Variants in SLC36A4 observed in about 807,000 individuals in gnomAD.
The protein encoded by SLC36A4 is solute carrier family 36 member 4.
In SLC36A4, 49 loss-of-function variants were observed where a neutral mutation model predicts 50.5. The ratio of observed to expected loss-of-function variants is 0.97; its 90% CI spans 0.77 to 1.23. The LOEUF is 1.23. SLC36A4 is among the 50% of genes most tolerant of loss of function. The pLI is 0.00. For synonymous variants in SLC36A4, 207 were observed against 206.5 expected (o/e 1.00, Z -0.02); for missense variants, 611 against 608.4 (o/e 1.00, Z -0.05).
chr11:93,177,793 G>A (rs894076068), intron 6 of SLC36A4, among the ~76,000 whole-genome samples: 51 of 152,290 alleles, frequency 3.3e-4, no homozygotes, highest in African/African-American at 9.9e-4. Flanking sequence ...ACTGGGAGGC[G>A]TCTCCCAGTT....
intron 7 of SLC36A4, chr11:93,166,315 C>A: frequency 1.9e-6 from 2 of 1,080,952 alleles, no homozygotes; most frequent in Middle Eastern, 4.3e-4. Flanking sequence ...TGGCTCCTGC[C>A]ACAACAGGAA....
At chr11:93,196,128 C>T (rs568280154) in intron 1 of SLC36A4, among the ~76,000 whole-genome samples, 118 of 152,218 alleles carry the variant, frequency 7.8e-4, no homozygotes, top group African/African-American at 2.8e-3. Context: ...CTTAAAAAAA[C>T]TGAAATAATT....
At chr11:93,178,201 C>T (rs11020189) in intron 6 of SLC36A4, among the ~76,000 whole-genome samples, 33,085 of 152,048 alleles carry the variant, frequency 0.22, 4,048 homozygotes, top group East Asian at 0.42. Flanking sequence ...TCTGAGCCAG[C>T]GCAGGATATA....
At position 93,148,795 on chromosome 11, in the gene SLC36A4, A is replaced by G. The variant is rs571218674; in HGVS notation, c.1257T>C (p.Val419=). Residue 419 remains valine, a synonymous_variant, in exon 11 of 11, where the codon GTT becomes GTC. Transcript: ENST00000326402. ...CCAATGTGCTGCTGCTCACAGCTCC[A>G]ACGAAGGAAATCACAATGTCTAAAC... ...IPRLDIVISF[V]GAVSSSTLAL... is the part of the protein sequence containing the mutation. 6.2e-7 allele frequency: 1 copy of G among 1,612,900 alleles called. No homozygotes were observed. Among genetic ancestry groups the G allele is most frequent in the South Asian group, 1.1e-5 (1 of 91,022 alleles).
chr11:93,189,024 A>T (rs531223005), intron 1 of SLC36A4, among the ~76,000 whole-genome samples: 1 of 150,234 alleles, frequency 6.7e-6, no homozygotes, highest in South Asian at 2.1e-4. Flanking sequence ...GACACCAGTC[A>T]TATTGGATTA....
chr11:93,151,488 T>C (rs1860084609), intron 10 of SLC36A4, among the ~76,000 whole-genome samples: 1 of 151,984 alleles, frequency 6.6e-6, no homozygotes, highest in South Asian at 2.1e-4. Context: ...AAAACAAAAA[T>C]GTGGAAAATA....
chr11:93,196,541 T>C (rs949659270), intron 1 of SLC36A4, among the ~76,000 whole-genome samples: 7 of 152,168 alleles, frequency 4.6e-5, no homozygotes, highest in African/African-American at 1.7e-4. Context: ...TAATTTTTTG[T>C]GTTTTTAGTA....
chr11:93,148,435 G>A lies in SLC36A4; in HGVS notation c.*102C>T, dbSNP rs1859927652. 5 of 1,017,060 alleles carry A rather than the reference G, an allele frequency of 4.9e-6. No homozygotes were observed. In the Admixed American group the frequency reaches 9.5e-5, roughly 19 times the overall value. The allele number at this position is 1,017,060 out of a possible 1,614,324, so 63.0% of individuals were successfully genotyped here. On this transcript the variant is annotated 3_prime_UTR_variant, in exon 11 of 11. Coordinates refer to ENST00000326402, the MANE Select transcript of SLC36A4 (RefSeq NM_152313.4). ...TATTAATATCGTGCCAAAGAAAACA[G>A]AGTTTGTTACCATTTTTATGTATAT...
Position 93,154,121 on chromosome 11 carries a change from C to G in SLC36A4, c.1194G>C (p.Leu398Phe). The change falls in exon 10 of 11, where the codon TTG becomes TTC. Residue 398 changes from leucine (L) to phenylalanine (F), a missense_variant. Coordinates refer to ENST00000326402, the MANE Select transcript of SLC36A4 (RefSeq NM_152313.4). ...QICEFGIRSFLVSITCAGAIL... is the reference protein window; with the variant it reads ...QICEFGIRSFFVSITCAGAIL... ...AATGATACTTACAAGTAATACTAAC[C>G]AAGAAGGATCTTATCCCAAATTCAC... The G allele has an allele frequency of 6.6e-7, 1 of 1,513,080 alleles. No homozygotes were observed. Among genetic ancestry groups the G allele is most frequent in the Non-Finnish European group, 8.9e-7 (1 of 1,127,942 alleles). 93.7% of individuals were successfully genotyped at this position (1,513,080 alleles called of 1,614,324 possible).
chr11:93,184,281 C>G, intron 3 of SLC36A4, 149 bp downstream of exon 3: 1 of 650,496 alleles, frequency 1.5e-6, no homozygotes, highest in Non-Finnish European at 2.7e-6. Flanking sequence ...ATATCATTAT[C>G]ACAGTTGACA....
chr11:93,190,431 T>C (rs1473696366), intron 1 of SLC36A4, among the ~76,000 whole-genome samples: 1 of 152,196 alleles, frequency 6.6e-6, no homozygotes, highest in Admixed American at 6.5e-5. Context: ...ATATCCCAAT[T>C]ATCCTGATTT....
chr11:93,156,912 C>T (rs1860391489), intron 9 of SLC36A4, among the ~76,000 whole-genome samples: 1 of 152,160 alleles, frequency 6.6e-6, no homozygotes, highest in African/African-American at 2.4e-5. Context: ...GAGTCTTCAT[C>T]ATAAAATCTT....
intron 9 of SLC36A4, among the ~76,000 whole-genome samples, chr11:93,159,560 T>C (rs1407327640): frequency 6.6e-6 from 1 of 152,188 alleles, no homozygotes; most frequent in Non-Finnish European, 1.5e-5. Context: ...TCATCTTAAT[T>C]GAGAACTATC....
chr11:93,165,979 C>T lies in SLC36A4; in HGVS notation c.806G>A (p.Gly269Asp). 1.2e-6 allele frequency: 2 copies of T among 1,611,238 alleles called. No individual in the cohort carries two copies. Among genetic ancestry groups the T allele is most frequent in the Non-Finnish European group, 1.7e-6 (2 of 1,178,464 alleles). Residue 269 changes from glycine to aspartate, a missense_variant, in exon 8 of 11, where the codon GGT (glycine) becomes GAT (aspartate). Coordinates refer to ENST00000326402, the MANE Select transcript of SLC36A4 (RefSeq NM_152313.4). The stretch of plus-strand genomic sequence containing the variant: ...AAAAAAGAGTGGGTATTTCTTCCAA[C>T]CAGCCACTATTGGAAGGTTGTGGGG... Reference protein sequence around the residue: ...PDPHNLPIVAGWKKYPLFFGT... With the variant: ...PDPHNLPIVADWKKYPLFFGT...
At chr11:93,171,507 T>C (rs1861132543) in intron 6 of SLC36A4, 1 of 152,134 alleles carries the variant, frequency 6.6e-6, no homozygotes, top group African/African-American at 2.4e-5. Context: ...GACTGCGTTC[T>C]CATCCATAAA....
chr11:93,160,376 A>G, intron 9 of SLC36A4: 7 of 985,362 alleles, frequency 7.1e-6, no homozygotes, highest in Non-Finnish European at 8.4e-6. Flanking sequence ...TCCTCTAATG[A>G]AAGGTGGTGT....
intron 9 of SLC36A4, among the ~76,000 whole-genome samples, chr11:93,158,941 C>A (rs1860492906): frequency 6.6e-6 from 1 of 152,074 alleles, no homozygotes; most frequent in Non-Finnish European, 1.5e-5. Flanking sequence ...ATTAAAAGGT[C>A]TTTTAAAACT....
At chr11:93,165,832 T>C (rs1236850059) in intron 8 of SLC36A4, 86 bp downstream of exon 8, 1 of 762,310 alleles carries the variant, frequency 1.3e-6, no homozygotes, top group South Asian at 2.6e-5. Flanking sequence ...AAAAGAAAAA[T>C]ATGCAATTTT....
chr11:93,180,101 C>T lies in SLC36A4; in HGVS notation c.540+696G>A, dbSNP rs778765808. On this transcript the variant is annotated intron_variant, in intron 6 of 10. Transcript: ENST00000326402. ...TGTAAAATGTTTACTGTACCATGGA[C>T]ATGTGGATAATTAATAAATATTATT... 6.3e-6 allele frequency: 6 copies of T among 952,830 alleles called. No individual in the cohort carries two copies. In the South Asian group the frequency reaches 1.9e-4, roughly 31 times the overall value. 59.0% of individuals were successfully genotyped at this position (952,830 alleles called of 1,614,324 possible).
Sources: gnomAD v4.1 joint callset for allele counts (sites outside exome capture counted in the v4.1 genomes callset) on GRCh38, gnomAD v4.1.1 for gene constraint, MANE v1.5 for transcripts, NCBI Gene and HGNC (gene_info 2026-07-23, HGNC 2026-07-21) for gene names.